Variants in TANC2 observed in about 807,000 individuals in gnomAD.
TANC2 encodes protein TANC2.
Under a neutral mutation model 210.5 loss-of-function variants are expected in TANC2, and 26 were observed. That is an observed-to-expected ratio of 0.12 (90% CI 0.09 to 0.17). The LOEUF (loss-of-function observed/expected upper bound fraction) is 0.17. Ranked by LOEUF, TANC2 falls within the 10% of genes least tolerant of loss-of-function variation. The pLI is 1.00. For missense variants in TANC2, 2,129 were observed against 2,608.9 expected, an observed-to-expected ratio of 0.82 and a Z score of 4.01; for synonymous variants, 931 against 967.1, an observed-to-expected ratio of 0.96 and a Z score of 0.69.
chr17:63,072,808 T>C (rs1598354023), intron 2 of TANC2, among the ~76,000 whole-genome samples: 1 of 152,112 alleles, frequency 6.6e-6, no homozygotes, highest in East Asian at 1.9e-4. Context: ...ATAGTTGATA[T>C]ATATACATGA....
At chr17:63,191,435 T>C (rs1567801464) in intron 5 of TANC2, among the ~76,000 whole-genome samples, 2 of 151,684 alleles carry the variant, frequency 1.3e-5, no homozygotes, top group Non-Finnish European at 2.9e-5. Context: ...CTTCAAAATA[T>C]ATTTCAGATA....
intron 12 of TANC2, among the ~76,000 whole-genome samples, chr17:63,346,208 TA>T (rs2046405054): frequency 6.6e-6 from 1 of 152,168 alleles, no homozygotes; most frequent in African/African-American, 2.4e-5. Flanking sequence ...AAACTTGGAA[TA>T]GGTAAAGATT....
chr17:62,978,959 T>C (rs2032163282), intron 1 of TANC2: 1 of 152,234 alleles, frequency 6.6e-6, no homozygotes, highest in African/African-American at 2.4e-5. Flanking sequence ...TTCCCCAGAA[T>C]GTATATGGCA....
intron 8 of TANC2, among the ~76,000 whole-genome samples, chr17:63,262,328 C>T (rs367552334): frequency 5.3e-5 from 8 of 152,246 alleles, no homozygotes; most frequent in African/African-American, 1.7e-4. Flanking sequence ...TACGGACATG[C>T]GCACTATACC....
At chr17:63,411,614 T>C (rs765358455) in exon 22 of TANC2, 28 of 1,613,996 alleles carry the variant, frequency 1.7e-5, no homozygotes, top group Non-Finnish European at 2.4e-5. Flanking sequence ...ATAACGGAGC[T>C]GCCACAGACC....
chr17:63,425,429 T>A (rs188314570), exon 28 of TANC2: 3 of 152,364 alleles, frequency 2.0e-5, no homozygotes, highest in Non-Finnish European at 4.4e-5. Context: ...ATATTGGTAT[T>A]TTTATATTCC....
chr17:63,341,811 AT>A (rs2046237863), intron 12 of TANC2, among the ~76,000 whole-genome samples: 1 of 152,184 alleles, frequency 6.6e-6, no homozygotes, highest in African/African-American at 2.4e-5. Context: ...CTGATTGCCT[AT>A]TGCCTTCTGA....
At chr17:63,248,554 G>T (rs141516268) in intron 8 of TANC2, among the ~76,000 whole-genome samples, 1 of 152,052 alleles carries the variant, frequency 6.6e-6, no homozygotes, top group East Asian at 1.9e-4. Context: ...TAAAAACCTG[G>T]GTTAATAATT....
At chr17:63,344,286 A>T (rs2146822174) in intron 12 of TANC2, among the ~76,000 whole-genome samples, 1 of 152,320 alleles carries the variant, frequency 6.6e-6, no homozygotes, top group Non-Finnish European at 1.5e-5. Context: ...ATTCTCTTCC[A>T]TGAAACCAGT....
intron 7 of TANC2, among the ~76,000 whole-genome samples, chr17:63,230,221 C>CA (rs2042437700): frequency 6.6e-6 from 1 of 151,676 alleles, no homozygotes; most frequent in African/African-American, 2.4e-5. Context: ...TAATTTTTTT[C>CA]AAAAAAACAG....
At chr17:63,107,334 A>G (rs2037865438) in intron 4 of TANC2, among the ~76,000 whole-genome samples, 1 of 151,676 alleles carries the variant, frequency 6.6e-6, no homozygotes, top group Admixed American at 6.6e-5. Context: ...TACCAAATAA[A>G]TGTTGAGAAA....
chr17:63,098,474 ACACACATACACT>A lies in TANC2; in HGVS notation c.140-699_140-688del, dbSNP rs1200450206. 1.8e-3 allele frequency among the ~76,000 whole-genome samples: 72 copies of A among 40,066 alleles called. 2 individuals carry two copies. Among genetic ancestry groups the A allele is most frequent in the African/African-American group, 0.011 (62 of 5,710 alleles). 26.3% of individuals were successfully genotyped at this position (40,066 alleles called of 152,430 possible). A position where few individuals can be genotyped will look rare whatever the true frequency, so the allele number is the denominator to read the frequency against. On this transcript the variant is annotated intron_variant, in intron 3 of 27. Transcript: ENST00000689528. ...CACACACACACACACACACACACAC[ACACACATACACT>A]CTCTCTCTCTCTCTCTCTCTCTCTG... is the stretch of plus-strand genomic sequence containing the variant.
At chr17:63,110,741 A>G (rs118159692) in intron 4 of TANC2, among the ~76,000 whole-genome samples, 174 of 152,302 alleles carry the variant, frequency 1.1e-3, no homozygotes, top group Non-Finnish European at 2.1e-3. Context: ...ACCTCTTTCT[A>G]CTGTCATACT....
intron 9 of TANC2, among the ~76,000 whole-genome samples, chr17:63,276,695 C>G (rs1192551758): frequency 6.6e-6 from 1 of 151,712 alleles, no homozygotes; most frequent in African/African-American, 2.4e-5. Flanking sequence ...CTTTTTTATC[C>G]CCACATTAAT....
At chr17:63,005,689 C>CT (rs543163719) in intron 1 of TANC2, among the ~76,000 whole-genome samples, 256 of 152,066 alleles carry the variant, frequency 1.7e-3, no homozygotes, top group Non-Finnish European at 3.1e-3. Context: ...ATTTCTGTGT[C>CT]TATGTTCATG....
intron 1 of TANC2, among the ~76,000 whole-genome samples, chr17:63,007,938 A>T: frequency 1.5e-5 from 2 of 131,406 alleles, no homozygotes; most frequent in Non-Finnish European, 3.3e-5. Flanking sequence ...TTTGATTTTC[A>T]TTTTGCAAAG....
At chr17:63,009,605 AGTC>A in exon 2 of TANC2, 1 of 1,613,106 alleles carries the variant, frequency 6.2e-7, no homozygotes, top group Non-Finnish European at 8.5e-7. Context: ...TGGGAAATCA[AGTC>A]GTAAAAACAG....
intron 11 of TANC2, among the ~76,000 whole-genome samples, chr17:63,335,258 A>G (rs1175572603): frequency 6.6e-6 from 1 of 152,180 alleles, no homozygotes; most frequent in Non-Finnish European, 1.5e-5. Context: ...CATCATGAGA[A>G]AACATCAGAC....
rs139551896 is a variant in TANC2 at position 63,417,938 on chromosome 17, G to A, written c.4168-369G>A. ...GTGTGGGGCTCAGACCAGGGTCCACGTGAAATGTGGACATGTGTGCGTTTG... is the reference window on the plus strand; with the variant it reads ...GTGTGGGGCTCAGACCAGGGTCCACATGAAATGTGGACATGTGTGCGTTTG... On this transcript the variant is annotated intron_variant, in intron 26 of 27. Coordinates refer to ENST00000689528, the Ensembl canonical transcript of TANC2. Among the ~76,000 whole-genome samples, 13 of 152,326 alleles carry A rather than the reference G, an allele frequency of 8.5e-5. No homozygotes were observed. In the East Asian group the frequency reaches 1.2e-3, roughly 14 times the overall value.
Sources: gnomAD v4.1 joint callset for allele counts (sites outside exome capture counted in the v4.1 genomes callset) on GRCh38, gnomAD v4.1.1 for gene constraint, MANE v1.5 for transcripts, NCBI Gene and HGNC (gene_info 2026-07-23, HGNC 2026-07-21) for gene names.